The following DNAH12 variants were observed in gnomAD, a reference collection of about 807,000 sequenced individuals.
The protein encoded by DNAH12 is axonemal beta dynein heavy chain 12.
In DNAH12, 285 loss-of-function variants were observed where a neutral mutation model predicts 371.5. The ratio of observed to expected loss-of-function variants is 0.77; its 90% CI spans 0.70 to 0.85. The LOEUF is 0.85. Among genes scored for constraint, DNAH12 ranks in the 40% least tolerant of loss-of-function variants. The probability of loss-of-function intolerance (pLI) is 0.00; values close to 1 mark genes in which losing one functional copy is unlikely to be tolerated. For synonymous variants in DNAH12, 1,200 were observed against 1,213.0 expected (o/e 0.99, Z 0.22); for missense variants, 3,611 against 3,689.4 (o/e 0.98, Z 0.55).
chr3:57,509,282 C>T (rs1455950961), intron 5 of DNAH12, 70 bp from the exon 6 acceptor site: 1 of 1,459,356 alleles, frequency 6.9e-7, no homozygotes, highest in Non-Finnish European at 9.4e-7. Context: ...AAGTTTCTAA[C>T]TTTTGATTTT....
chr3:57,449,354 A>G (rs371670216), intron 25 of DNAH12, among the ~76,000 whole-genome samples: 3 of 152,316 alleles, frequency 2.0e-5, no homozygotes, highest in Admixed American at 6.5e-5. Context: ...CGCACTCCTC[A>G]GCCCTTGGGT....
At chr3:57,478,189 G>A (rs928162281) in intron 13 of DNAH12, among the ~76,000 whole-genome samples, 7 of 152,042 alleles carry the variant, frequency 4.6e-5, no homozygotes, top group South Asian at 2.1e-4. Flanking sequence ...AAAATTAGAC[G>A]AATGGCTAAC....
chr3:57,458,181 GT>G lies in DNAH12; in HGVS notation c.2970del (p.Lys990AsnfsTer13). The G allele has an allele frequency of 6.5e-7, 1 of 1,549,730 alleles. No individual in the cohort carries two copies. Among genetic ancestry groups the G allele is most frequent in the Non-Finnish European group, 8.7e-7 (1 of 1,146,566 alleles). ...TCCAAAAGTTCATTGCAGTTCTGTA[GT>G]TTTTCCAATAAACCTGTTAAAGAAG... ...AATSLTGLLEKLQNCNELLEK... is the reference protein window; with the variant it reads ...AATSLTGLLEXLQNCNELLEK... On this transcript the variant is annotated frameshift_variant, in exon 21 of 74. Transcript: ENST00000495027. LOFTEE classifies it high-confidence loss of function.
chr3:57,385,101 T>C (rs1291572139), intron 48 of DNAH12, 96 bp from the exon 49 acceptor site: 1 of 152,178 alleles, frequency 6.6e-6, no homozygotes, highest in Non-Finnish European at 1.5e-5. Context: ...ATCTAACATA[T>C]CATTTTGAAG....
chr3:57,492,352 C>A (rs971057078), intron 11 of DNAH12, among the ~76,000 whole-genome samples: 19 of 151,592 alleles, frequency 1.3e-4, no homozygotes, highest in African/African-American at 3.4e-4. Context: ...CCCAGCTACT[C>A]GGGAGGCTGA....
At chr3:57,436,249 A>G (rs894523414) in intron 30 of DNAH12, among the ~76,000 whole-genome samples, 1 of 152,172 alleles carries the variant, frequency 6.6e-6, no homozygotes, top group Admixed American at 6.5e-5. Context: ...AACTATAAAT[A>G]CAAAATGTCC....
At chr3:57,320,499 A>G (rs543936544) in intron 65 of DNAH12, among the ~76,000 whole-genome samples, 38 of 152,324 alleles carry the variant, frequency 2.5e-4, no homozygotes, top group Admixed American at 1.8e-3. Context: ...ATTTACTTTT[A>G]ATGGCCAAAT....
At chr3:57,341,599 A>C (rs2062400561) in intron 60 of DNAH12, among the ~76,000 whole-genome samples, 2 of 152,068 alleles carry the variant, frequency 1.3e-5, no homozygotes, top group Non-Finnish European at 2.9e-5. Context: ...TGATTTTTTG[A>C]AAGAAATTGA....
At chr3:57,492,841 C>G (rs1455596906) in intron 11 of DNAH12, among the ~76,000 whole-genome samples, 1 of 152,012 alleles carries the variant, frequency 6.6e-6, no homozygotes, top group African/African-American at 2.4e-5. Context: ...CCTGTCTCTA[C>G]TAAAAATACA....
intron 40 of DNAH12, among the ~76,000 whole-genome samples, chr3:57,407,962 T>G (rs1381468627): frequency 6.6e-6 from 1 of 152,158 alleles, no homozygotes; most frequent in Non-Finnish European, 1.5e-5. Flanking sequence ...ATACCTGTGA[T>G]GTGGCAGATA....
the DNAH12 span, among the ~76,000 whole-genome samples, chr3:57,550,687 T>C: frequency 6.6e-6 from 1 of 151,540 alleles, no homozygotes; most frequent in Non-Finnish European, 1.5e-5. Context: ...TAAATTTTTT[T>C]TTTTTCTGTA....
At chr3:57,529,057 C>T (rs1161025655) in intron 2 of DNAH12, among the ~76,000 whole-genome samples, 1 of 152,152 alleles carries the variant, frequency 6.6e-6, no homozygotes, top group Non-Finnish European at 1.5e-5. Flanking sequence ...GCCTCAGCCT[C>T]CCACAGTGCT....
At position 57,419,423 on chromosome 3, in the gene DNAH12, A is replaced by AG; in HGVS notation, c.5657dup (p.Thr1887TyrfsTer6). On this transcript the variant is annotated frameshift_variant, in exon 37 of 74. Coordinates refer to ENST00000495027, the MANE Select transcript of DNAH12 (RefSeq NM_001366028.2). LOFTEE classifies it high-confidence loss of function. ...ACGTATATCTAATTGTGTCCATCGTAGGGACTATGATATCTTGAATCTTGA... is the reference window on the plus strand; with the variant it reads ...ACGTATATCTAATTGTGTCCATCGTAGGGGACTATGATATCTTGAATCTTGA... The AG allele has an allele frequency of 6.6e-7, 1 of 1,512,306 alleles. No individual in the cohort carries two copies. The highest frequency in any genetic ancestry group is 8.8e-7 in the Non-Finnish European group (1 of 1,134,586). The allele number at this position is 1,512,306 out of a possible 1,614,324, so 93.7% of individuals were successfully genotyped here.
chr3:57,477,386 C>A (rs982088509), intron 13 of DNAH12, among the ~76,000 whole-genome samples: 2 of 152,168 alleles, frequency 1.3e-5, no homozygotes, highest in Non-Finnish European at 2.9e-5. Flanking sequence ...GAGGGGCGCC[C>A]GCCATTGCCG....
Position 57,500,924 on chromosome 3 carries a change from TCAAAAACAAAAA to T in DNAH12, c.1335+385_1335+396del, listed in dbSNP as rs575859651. On this transcript the variant is annotated intron_variant, in intron 11 of 73. Transcript: ENST00000495027. ...GCATGCACCACCATACCTGGCTAAT[TCAAAAACAAAAA>T]CAAAAACAAAAACAAAAAAACTTTC... 2.1e-4 allele frequency among the ~76,000 whole-genome samples: 32 copies of T among 152,054 alleles called. 1 individual carries two copies. Among genetic ancestry groups the T allele is most frequent in the Non-Finnish European group, 3.8e-4 (26 of 67,978 alleles).
At chr3:57,454,123 C>G (rs2065836204) in intron 23 of DNAH12, among the ~76,000 whole-genome samples, 1 of 151,768 alleles carries the variant, frequency 6.6e-6, no homozygotes, top group Non-Finnish European at 1.5e-5. Flanking sequence ...CACACACACA[C>G]ACATACACAC....
chr3:57,303,712 TA>T (rs2061411167), intron 69 of DNAH12, among the ~76,000 whole-genome samples: 1 of 152,156 alleles, frequency 6.6e-6, no homozygotes, highest in South Asian at 2.1e-4. Flanking sequence ...CAGAACTTTT[TA>T]AAAGGGGAAA....
At chr3:57,410,457 C>T (rs987547963) in intron 39 of DNAH12, among the ~76,000 whole-genome samples, 3 of 151,986 alleles carry the variant, frequency 2.0e-5, no homozygotes, top group African/African-American at 7.3e-5. Context: ...CTGGCTGTTC[C>T]CCATCTCTCT....
chr3:57,441,800 A>G (rs1017214946), intron 29 of DNAH12, among the ~76,000 whole-genome samples: 2 of 152,274 alleles, frequency 1.3e-5, no homozygotes, highest in East Asian at 1.9e-4. Flanking sequence ...TAAAAAAAGA[A>G]AAGAAAAAGT....
Sources: gnomAD v4.1 joint callset for allele counts (sites outside exome capture counted in the v4.1 genomes callset) on GRCh38, gnomAD v4.1.1 for gene constraint, MANE v1.5 for transcripts, NCBI Gene and HGNC (gene_info 2026-07-23, HGNC 2026-07-21) for gene names.